RIPK1: variants seen among roughly 807,000 people sequenced by gnomAD.
RIPK1 encodes the protein receptor interacting serine/threonine kinase 1.
A neutral mutation model predicts 62.4 loss-of-function variants in RIPK1; 27 were observed. That is an observed-to-expected ratio of 0.43 (90% CI 0.32 to 0.60). The LOEUF is 0.60. RIPK1 is among the 20% of genes least tolerant of loss of function. RIPK1 has a pLI of 0.07. For missense variants in RIPK1, 735 were observed against 831.0 expected, an observed-to-expected ratio of 0.88 and a Z score of 1.42; for synonymous variants, 287 against 303.2, an observed-to-expected ratio of 0.95 and a Z score of 0.55.
chr6:3,110,733 T>G (rs1761111984), intron 9 of RIPK1, 70 bp from the exon 10 acceptor site: 2 of 959,270 alleles, frequency 2.1e-6, no homozygotes, highest in South Asian at 3.7e-5. Flanking sequence ...CCCTGCTTTT[T>G]TGCCATGCTG....
At chr6:3,101,106 G>A (rs1760567703) in intron 7 of RIPK1, among the ~76,000 whole-genome samples, 1 of 151,858 alleles carries the variant, frequency 6.6e-6, no homozygotes, top group Non-Finnish European at 1.5e-5. Flanking sequence ...GGCAAAAACC[G>A]ATCTCTACAA....
intron 9 of RIPK1, among the ~76,000 whole-genome samples, chr6:3,107,452 C>T (rs1760913028): frequency 6.8e-6 from 1 of 147,590 alleles, no homozygotes; most frequent in Non-Finnish European, 1.5e-5. Flanking sequence ...GTAATCCCAG[C>T]TACTTGGGAG....
intron 3 of RIPK1, among the ~76,000 whole-genome samples, chr6:3,078,883 TA>T (rs1249549826): frequency 1.3e-5 from 2 of 152,068 alleles, no homozygotes; most frequent in African/African-American, 4.8e-5. Flanking sequence ...GGCAGATAGC[TA>T]AATAAGTGGT....
chr6:3,084,967 C>T (rs1759611795), intron 5 of RIPK1, among the ~76,000 whole-genome samples: 1 of 152,226 alleles, frequency 6.6e-6, no homozygotes, highest in South Asian at 2.1e-4. Flanking sequence ...AAGACAAGGA[C>T]TGCCCTGTAT....
At chr6:3,075,209 T>C (rs1174077597) in intron 1 of RIPK1, among the ~76,000 whole-genome samples, 1 of 152,236 alleles carries the variant, frequency 6.6e-6, no homozygotes, top group Non-Finnish European at 1.5e-5. Context: ...TTCACATGTT[T>C]GCCAGTGTTT....
At chr6:3,088,986 C>T (rs759940550) in intron 6 of RIPK1, among the ~76,000 whole-genome samples, 2 of 152,144 alleles carry the variant, frequency 1.3e-5, no homozygotes, top group Non-Finnish European at 1.5e-5. Flanking sequence ...AACTCACTAT[C>T]GTGTGTTTCA....
Position 3,072,525 on chromosome 6 carries a change from A to AT in RIPK1, c.-61+3871dup, listed in dbSNP as rs556436855. 8.5e-5 allele frequency among the ~76,000 whole-genome samples: 13 copies of AT among 152,096 alleles called. No individual in the cohort carries two copies. Among genetic ancestry groups the AT allele is most frequent in the Admixed American group, 2.0e-4 (3 of 15,282 alleles). ...TTCATTTAACAATATTTTTATTTTT[A>AT]TTTTTTTGGACAATTAAATAGTTCT... On this transcript the variant is annotated intron_variant, in intron 1 of 10. Transcript: ENST00000259808. This position sits in a 1 kb window ranked among gnomAD's most constrained non-coding sequence, Gnocchi z 5.6.
chr6:3,109,174 C>G (rs1352209862), intron 9 of RIPK1, among the ~76,000 whole-genome samples: 1 of 152,142 alleles, frequency 6.6e-6, no homozygotes, highest in Admixed American at 6.6e-5. Flanking sequence ...GACTCACATT[C>G]TAGTGGAGAA....
rs776826291 is a variant in RIPK1, at chr6:3,077,923, G to A, written c.309G>A (p.Val103=). The stretch of plus-strand genomic sequence containing the variant: ...TGGAGAAGGGCAACCTGATGCACGT[G>A]CTGAAAGCCGAGGTAGAGAGGGCCC... ...EYMEKGNLMH[V]LKAEMSTPLS... The change falls in exon 3 of 11, where the codon GTG becomes GTA. Residue 103 remains valine (V), a synonymous_variant. Coordinates refer to ENST00000259808, the MANE Select transcript of RIPK1 (RefSeq NM_001354930.2). 2 of 1,613,872 alleles carry A rather than the reference G, an allele frequency of 1.2e-6. No homozygotes were observed. Among genetic ancestry groups the A allele is most frequent in the Non-Finnish European group, 1.7e-6 (2 of 1,180,024 alleles).
chr6:3,081,246 GCCGAAAGGCTCTA>G, intron 4 of RIPK1, 130 bp downstream of exon 4: 1 of 1,023,828 alleles, frequency 9.8e-7, no homozygotes, highest in Non-Finnish European at 1.4e-6. Flanking sequence ...TGATGATGGT[GCCGAAAGGCTCTA>G]CCGGTGATTG....
At chr6:3,104,794 C>G (rs575130743) in intron 8 of RIPK1, among the ~76,000 whole-genome samples, 18 of 152,144 alleles carry the variant, frequency 1.2e-4, no homozygotes, top group Non-Finnish European at 2.4e-4. Context: ...CATAATTGCT[C>G]CTCCTCTCAT....
intron 5 of RIPK1, 100 bp downstream of exon 5, chr6:3,083,413 T>G: frequency 1.1e-6 from 1 of 870,286 alleles, no homozygotes. Context: ...AATGAATGAG[T>G]AATCCCATTT....
upstream of RIPK1, among the ~76,000 whole-genome samples, chr6:3,066,145 T>G (rs527265550): frequency 1.0e-3 from 153 of 152,302 alleles, no homozygotes; most frequent in African/African-American, 3.6e-3. Flanking sequence ...CGCCTCAGCC[T>G]CCTGAGTAGC....
intron 6 of RIPK1, chr6:3,088,652 G>A (rs1252421873): frequency 6.6e-6 from 1 of 152,618 alleles, no homozygotes; most frequent in East Asian, 1.9e-4. Flanking sequence ...TGCTGTGGGT[G>A]GGGTTGGAGC....
chr6:3,065,126 G>C (rs1016402627), upstream of RIPK1, among the ~76,000 whole-genome samples: 1 of 151,770 alleles, frequency 6.6e-6, no homozygotes, highest in Non-Finnish European at 1.5e-5. Context: ...GCGTGGTGGC[G>C]GGCGCCTGTA....
At position 3,100,144 on chromosome 6, in the gene RIPK1, T is replaced by G. The variant is rs183438689; in HGVS notation, c.916-4081T>G. Among the ~76,000 whole-genome samples, 803 of 152,278 alleles carry G rather than the reference T, an allele frequency of 5.3e-3. 7 individuals carry two copies. Among genetic ancestry groups the G allele is most frequent in the African/African-American group, 0.019 (786 of 41,554 alleles). On this transcript the variant is annotated intron_variant, in intron 7 of 10. Coordinates refer to ENST00000259808, the MANE Select transcript of RIPK1 (RefSeq NM_001354930.2). ...TGTTAAAGATATATATATTTTGGCC[T>G]GGTGCAGTGGCTCATGCCTGTAATT... is the stretch of plus-strand genomic sequence containing the variant.
chr6:3,110,244 A>G (rs528663712), intron 9 of RIPK1, among the ~76,000 whole-genome samples: 5 of 138,022 alleles, frequency 3.6e-5, no homozygotes, highest in African/African-American at 1.1e-4. Flanking sequence ...CTCTCACTCT[A>G]TCACCAGGCT....
chr6:3,073,203 A>G (rs1172359461), intron 1 of RIPK1, among the ~76,000 whole-genome samples: 1 of 143,586 alleles, frequency 7.0e-6, no homozygotes, highest in Non-Finnish European at 1.6e-5. Flanking sequence ...GCATACACAC[A>G]TACAAATATG....
intron 8 of RIPK1, 94 bp downstream of exon 8, chr6:3,104,409 C>A: frequency 1.5e-6 from 1 of 664,262 alleles, no homozygotes; most frequent in South Asian, 1.8e-5. Context: ...ATATGGGAAA[C>A]AGAAGAAACT....
Sources: gnomAD v4.1 joint callset for allele counts (sites outside exome capture counted in the v4.1 genomes callset) on GRCh38, gnomAD v4.1.1 for gene constraint, Gnocchi (gnomAD v3.1) non-coding constraint, MANE v1.5 for transcripts, NCBI Gene and HGNC (gene_info 2026-07-23, HGNC 2026-07-21) for gene names.